Variants in MUC7 observed in about 807,000 individuals in gnomAD.
MUC7 encodes mucin 7, secreted, also known as mucin-7.
A neutral mutation model predicts 2.5 loss-of-function variants in MUC7; 2 were observed. The observed-to-expected ratio is 0.81, with a 90% CI of 0.33 to 2.55. The LOEUF (loss-of-function observed/expected upper bound fraction) is 2.55, where lower values mean the gene tolerates loss of function less well. MUC7 is among the 30% of genes most tolerant of loss of function. The probability of loss-of-function intolerance (pLI) is 0.11; values close to 1 mark genes in which losing one functional copy is unlikely to be tolerated. For missense variants in MUC7, 408 were observed against 455.6 expected, an observed-to-expected ratio of 0.90 and a Z score of 0.95; for synonymous variants, 133 against 173.4, an observed-to-expected ratio of 0.77 and a Z score of 1.83.
Position 70,481,603 on chromosome 4 carries a change from C to G in MUC7, c.859C>G (p.Pro287Ala). ...AGAGACCACAGCTGCCCCACCCACA[C>G]CTTCTGCAACTACACCAGCTCCACC... Reference protein sequence around the residue: ...PPETTAAPPTPSATTPAPPSS... With the variant: ...PPETTAAPPTASATTPAPPSS... The change falls in exon 3 of 3, where the codon CCT becomes GCT. Residue 287 changes from proline to alanine, a missense_variant. Pro to Ala is a conservative substitution (Grantham distance 27). Around this residue, in one of 3 missense-constraint regions of MUC7, gnomAD observed 175 missense variants for 187.1 expected, o/e 0.94. Coordinates refer to ENST00000304887, the MANE Select transcript of MUC7 (RefSeq NM_152291.3). The G allele has an allele frequency of 6.2e-7, 1 of 1,612,578 alleles. No homozygotes were observed. Among genetic ancestry groups the G allele is most frequent in the Non-Finnish European group, 8.5e-7 (1 of 1,179,524 alleles).
chr4:70,446,037 C>T (rs1018831363), intron 1 of MUC7, among the ~76,000 whole-genome samples: 1 of 152,132 alleles, frequency 6.6e-6, no homozygotes, highest in African/African-American at 2.4e-5. Flanking sequence ...TGCCCAAGCA[C>T]AGGGGCTGAT....
chr4:70,470,352 C>G (rs1425274216), upstream of MUC7, among the ~76,000 whole-genome samples: 1 of 152,020 alleles, frequency 6.6e-6, no homozygotes, highest in Non-Finnish European at 1.5e-5. Context: ...CACATGTATA[C>G]CTATGTAACA....
chr4:70,447,539 T>A (rs1170588344), intron 1 of MUC7, among the ~76,000 whole-genome samples: 1 of 152,224 alleles, frequency 6.6e-6, no homozygotes, highest in Non-Finnish European at 1.5e-5. Flanking sequence ...TATCTCTTGA[T>A]AATACATCAT....
chr4:70,478,021 TACA>T (rs1735055923), intron 2 of MUC7, among the ~76,000 whole-genome samples: 1 of 151,682 alleles, frequency 6.6e-6, no homozygotes, highest in Non-Finnish European at 1.5e-5. Context: ...AACTCTAGTC[TACA>T]ATTTCTGTTA....
intron 1 of MUC7, among the ~76,000 whole-genome samples, chr4:70,449,486 C>T (rs1734225977): frequency 6.6e-6 from 1 of 152,086 alleles, no homozygotes; most frequent in African/African-American, 2.4e-5. Flanking sequence ...TGAGTCCCTC[C>T]CACAATATAT....
At position 70,460,356 on chromosome 4, in the gene MUC7, A is replaced by G. The variant is rs77796516; in HGVS notation, c.-92-11859A>G. 4.6e-3 allele frequency among the ~76,000 whole-genome samples: 700 copies of G among 152,330 alleles called. 6 individuals carry two copies. The highest frequency in any genetic ancestry group is 0.016 in the African/African-American group (676 of 41,578). On this transcript the variant is annotated intron_variant, in intron 1 of 3. Coordinates refer to the MUC7 transcript ENST00000413702. ...TTCCATAAACTAATAGAATTTGAGA[A>G]GCCTTGTTTTGATAGATAAGTAGCC...
At position 70,480,800 on chromosome 4, in the gene MUC7, T is replaced by C. The variant is rs372456254; in HGVS notation, c.56T>C (p.Phe19Ser). The change falls in exon 3 of 3, where the codon TTC becomes TCC. Residue 19 changes from phenylalanine to serine, a missense_variant and splice_region_variant. Phe to Ser is a radical substitution (Grantham distance 155). This residue lies in a region of MUC7 where 225 missense variants were observed against 240.5 expected (regional missense o/e 0.94). Transcript: ENST00000304887. Reference protein sequence around the residue: ...CICALSACFSFSEGRERDHEL... With the variant: ...CICALSACFSSSEGRERDHEL... ...TTACATTTTCTTTCTTTTCTGCAGT[T>C]CAGTGAAGGTCGAGAAAGGGATCAT... is the stretch of plus-strand genomic sequence containing the variant. The C allele has an allele frequency of 6.2e-7, 1 of 1,612,064 alleles. No homozygotes were observed. Among genetic ancestry groups the C allele is most frequent in the Non-Finnish European group, 8.5e-7 (1 of 1,178,524 alleles).
At chr4:70,468,878 A>G (rs758098278), upstream of MUC7, among the ~76,000 whole-genome samples, 1 of 152,148 alleles carries the variant, frequency 6.6e-6, no homozygotes, top group East Asian at 1.9e-4. Context: ...GCTACCATTG[A>G]CCTTCTTCAC....
intron 1 of MUC7, among the ~76,000 whole-genome samples, chr4:70,450,474 G>A (rs146749151): frequency 1.3e-5 from 2 of 152,314 alleles, no homozygotes; most frequent in East Asian, 3.9e-4. Context: ...GGTGCAAGAT[G>A]AAGTCTCCTT....
At chr4:70,443,304 A>G (rs1734049817) in intron 1 of MUC7, among the ~76,000 whole-genome samples, 1 of 138,214 alleles carries the variant, frequency 7.2e-6, no homozygotes, top group South Asian at 2.4e-4. Context: ...GAACAACCTA[A>G]CACAAAAAGA....
intron 2 of MUC7, among the ~76,000 whole-genome samples, chr4:70,478,414 G>C: frequency 6.6e-6 from 1 of 152,146 alleles, no homozygotes; most frequent in Non-Finnish European, 1.5e-5. Flanking sequence ...GTGATTAAGG[G>C]AATGAACCAC....
At chr4:70,444,432 G>A (rs534468549) in intron 1 of MUC7, among the ~76,000 whole-genome samples, 3 of 152,206 alleles carry the variant, frequency 2.0e-5, no homozygotes, top group African/African-American at 4.8e-5. Context: ...ACCAACACTA[G>A]CCTACTCCTT....
Position 70,481,768 on chromosome 4 carries a change from AC to A in MUC7, c.1025del (p.Thr342IlefsTer22). 1 of 1,614,188 alleles carries A rather than the reference AC, an allele frequency of 6.2e-7. No individual in the cohort carries two copies. Among genetic ancestry groups the A allele is most frequent in the Non-Finnish European group, 8.5e-7 (1 of 1,180,022 alleles). On this transcript the variant is annotated frameshift_variant, in exon 3 of 3. Coordinates refer to ENST00000304887, the MANE Select transcript of MUC7 (RefSeq NM_152291.3). LOFTEE classifies it low-confidence loss of function (END_TRUNC). ...QTTTSVTTQT[T>X]TTKQPTSAPG... is the part of the protein sequence containing the mutation. Reference sequence around the variant, plus strand: ...TACTACTTCGGTCACTACTCAAACTACTACTACTAAACAACCAACTTCAGCT... The same window carrying A: ...TACTACTTCGGTCACTACTCAAACTATACTACTAAACAACCAACTTCAGCT...
Position 70,482,111 on chromosome 4 carries a change from C to T in MUC7, c.*233C>T, listed in dbSNP as rs1398535751. Reference sequence around the variant, plus strand: ...TGGGGTTCAAAATAACTCTTTGGATCCTACAGAGATAGCCTACTGAGGGCA... The same window carrying T: ...TGGGGTTCAAAATAACTCTTTGGATTCTACAGAGATAGCCTACTGAGGGCA... On this transcript the variant is annotated 3_prime_UTR_variant, in exon 3 of 3. Coordinates refer to ENST00000304887, the MANE Select transcript of MUC7 (RefSeq NM_152291.3). The T allele has an allele frequency of 3.7e-6, 2 of 539,182 alleles. No individual in the cohort carries two copies. The highest frequency in any genetic ancestry group is 3.4e-5 in the Admixed American group (1 of 29,548). 33.4% of individuals were successfully genotyped at this position (539,182 alleles called of 1,614,324 possible).
At chr4:70,475,868 C>G (rs1440667507) in intron 2 of MUC7, among the ~76,000 whole-genome samples, 1 of 152,178 alleles carries the variant, frequency 6.6e-6, no homozygotes, top group Non-Finnish European at 1.5e-5. Flanking sequence ...GGAATTTACT[C>G]TTGGATATTC....
At chr4:70,444,371 G>A (rs1169603184) in intron 1 of MUC7, among the ~76,000 whole-genome samples, 1 of 152,178 alleles carries the variant, frequency 6.6e-6, no homozygotes, top group Non-Finnish European at 1.5e-5. Context: ...GGTCACTGCT[G>A]CTGTCAAGAC....
rs965112921 is a variant in MUC7 at position 70,431,218 on chromosome 4, A to T, written c.-93+531A>T. Among the ~76,000 whole-genome samples the T allele has an allele frequency of 6.6e-5, 10 of 152,052 alleles. 1 individual carries two copies. The highest frequency in any genetic ancestry group is 6.6e-4 in the Admixed American group (10 of 15,234). On this transcript the variant is annotated intron_variant, in intron 1 of 3. Transcript: ENST00000413702. ...ATGAAACCAAGAACATATGAGAAAA[A>T]TGTTTTTACAATAGACTTTTTTCTT...
chr4:70,442,508 A>C (rs1296628523), intron 1 of MUC7, among the ~76,000 whole-genome samples: 1 of 151,996 alleles, frequency 6.6e-6, no homozygotes, highest in Admixed American at 6.6e-5. Flanking sequence ...ATCCTCCTCA[A>C]TTTCCCCTCC....
rs201273266 is a variant in MUC7 at position 70,481,565 on chromosome 4, C to A, written c.821C>A (p.Ala274Asp). The A allele has an allele frequency of 1.3e-5, 21 of 1,612,530 alleles. No homozygotes were observed. Among genetic ancestry groups the A allele is most frequent in the African/African-American group, 2.7e-5 (2 of 73,852 alleles). ...PSATTLDPSSASAPPETTAAP... is the reference protein window; with the variant it reads ...PSATTLDPSSDSAPPETTAAP... ...GCAACTACCCTAGACCCATCATCCG[C>A]CTCAGCTCCACCAGAGACCACAGCT... Residue 274 changes from alanine (A) to aspartate (D), a missense_variant, in exon 3 of 3, where the codon GCC becomes GAC. Around this residue, in one of 3 missense-constraint regions of MUC7, gnomAD observed 175 missense variants for 187.1 expected, o/e 0.94. Coordinates refer to ENST00000304887, the MANE Select transcript of MUC7 (RefSeq NM_152291.3).
Sources: allele counts gnomAD v4.1 joint callset (sites outside exome capture counted in the v4.1 genomes callset), GRCh38; gene constraint gnomAD v4.1.1; regional missense constraint gnomAD v4.1.1; transcripts MANE v1.5; gene names NCBI Gene and HGNC (gene_info 2026-07-23, HGNC 2026-07-21).